The following ENPP2 variants were observed in gnomAD, a reference collection of about 807,000 sequenced individuals.
ENPP2 encodes autotaxin.
A neutral mutation model predicts 120.2 loss-of-function variants in ENPP2; 51 were observed. The observed-to-expected ratio is 0.42, with a 90% confidence interval of 0.34 to 0.54. The LOEUF is 0.54. Among genes scored for constraint, ENPP2 ranks in the 20% least tolerant of loss-of-function variants. ENPP2 has a pLI of 0.04. For missense variants in ENPP2, 920 were observed against 1,066.5 expected, an observed-to-expected ratio of 0.86 and a Z score of 1.91; for synonymous variants, 365 against 366.4, an observed-to-expected ratio of 1.00 and a Z score of 0.04.
chr8:119,568,481 T>C (rs111350329), intron 21 of ENPP2, among the ~76,000 whole-genome samples: 4,535 of 152,234 alleles, frequency 0.03, 170 homozygotes, highest in African/African-American at 0.089. Context: ...TTTACAATGT[T>C]TTTTTCTTAC....
chr8:119,567,636 G>A (rs1814584099), intron 22 of ENPP2, among the ~76,000 whole-genome samples: 1 of 152,198 alleles, frequency 6.6e-6, no homozygotes, highest in Non-Finnish European at 1.5e-5. Flanking sequence ...TGATGATTCA[G>A]AAGGTCCTTT....
chr8:119,584,595 A>T (rs1417612771), intron 15 of ENPP2, among the ~76,000 whole-genome samples: 14 of 152,246 alleles, frequency 9.2e-5, no homozygotes. Flanking sequence ...CTATCAATAT[A>T]CAATACAACT....
rs769242153 is a variant in ENPP2, at chr8:119,626,606, G to C, written c.251C>G (p.Thr84Ser). 8 of 1,613,892 alleles carry C rather than the reference G, an allele frequency of 5.0e-6. No homozygotes were observed. The highest frequency in any genetic ancestry group is 6.8e-6 in the Non-Finnish European group (8 of 1,179,896). Reference protein sequence around the residue: ...CRCDNLCKSYTSCCHDFDELC... With the variant: ...CRCDNLCKSYSSCCHDFDELC... Reference sequence around the variant, plus strand: ...CTCATCAAAGTCATGGCAGCAACTGGTATAGCTCTTACACAAGTTGTCACA... The same window carrying C: ...CTCATCAAAGTCATGGCAGCAACTGCTATAGCTCTTACACAAGTTGTCACA... The change falls in exon 3 of 25, where the codon ACC becomes AGC. Residue 84 changes from threonine (T) to serine (S), a missense_variant. By Grantham distance (58) the Thr-to-Ser change is moderately conservative (BLOSUM62 1). Transcript: ENST00000075322.
chr8:119,627,658 T>C (rs186955943), intron 2 of ENPP2, among the ~76,000 whole-genome samples: 3 of 152,040 alleles, frequency 2.0e-5, no homozygotes. Context: ...GGTCAGGAGT[T>C]CGAGACCAGC....
chr8:119,560,775 G>A (rs1034914537), intron 24 of ENPP2, among the ~76,000 whole-genome samples: 2 of 152,072 alleles, frequency 1.3e-5, no homozygotes, highest in African/African-American at 4.8e-5. Flanking sequence ...TGGAGTCAGA[G>A]GCCTTAAATC....
At chr8:119,576,606 A>G (rs1812359268) in intron 19 of ENPP2, among the ~76,000 whole-genome samples, 3 of 152,234 alleles carry the variant, frequency 2.0e-5, no homozygotes, top group Non-Finnish European at 4.4e-5. Flanking sequence ...AAATAGAGTA[A>G]AGACCAAGGT....
rs1818127382 is a variant in ENPP2, at chr8:119,668,089, C to G, written c.21+5163G>C. Among the ~76,000 whole-genome samples, 3 of 152,250 alleles carry G rather than the reference C, an allele frequency of 2.0e-5. No homozygotes were observed. In the South Asian group the frequency reaches 6.2e-4, roughly 32 times the overall value. On this transcript the variant is annotated intron_variant, in intron 1 of 25. Transcript: ENST00000427067. Reference sequence around the variant, plus strand: ...GTCCCATTAAGTCTAGATTAAATATCCCTTCTCAGGTGGTTTCACGAGGAC... The same window carrying G: ...GTCCCATTAAGTCTAGATTAAATATGCCTTCTCAGGTGGTTTCACGAGGAC...
chr8:119,621,258 A>T, intron 4 of ENPP2, 136 bp downstream of exon 4: 1 of 706,658 alleles, frequency 1.4e-6, no homozygotes, highest in Non-Finnish European at 2.4e-6. Context: ...AAGAAGCATG[A>T]GAAATTAAAA....
chr8:119,663,163 A>T (rs2130901181), intron 1 of ENPP2, among the ~76,000 whole-genome samples: 1 of 152,116 alleles, frequency 6.6e-6, no homozygotes, highest in South Asian at 2.1e-4. Context: ...AAAAGAAAAG[A>T]AAATGGGTAG....
intron 1 of ENPP2, among the ~76,000 whole-genome samples, chr8:119,659,721 A>C (rs1587585930): frequency 6.6e-6 from 1 of 152,326 alleles, no homozygotes; most frequent in Non-Finnish European, 1.5e-5. Context: ...TATGCTTCAA[A>C]GGGTGAAGAA....
intron 11 of ENPP2, among the ~76,000 whole-genome samples, chr8:119,596,217 G>A (rs1035772813): frequency 4.6e-5 from 7 of 152,284 alleles, no homozygotes; most frequent in South Asian, 2.1e-4. Flanking sequence ...CAGCTTCTTC[G>A]CTGAGAACAA....
At chr8:119,669,273 A>C (rs1374850999) in intron 1 of ENPP2, among the ~76,000 whole-genome samples, 2 of 152,340 alleles carry the variant, frequency 1.3e-5, no homozygotes, top group South Asian at 2.1e-4. Flanking sequence ...TCTAATCTAG[A>C]AGAAGATCAC....
At chr8:119,606,629 G>C (rs1333059204) in intron 9 of ENPP2, among the ~76,000 whole-genome samples, 1 of 149,200 alleles carries the variant, frequency 6.7e-6, no homozygotes, top group Non-Finnish European at 1.5e-5. Context: ...AAGAAAGAAA[G>C]AAATCTCTTA....
chr8:119,651,260 A>C (rs1026666526), intron 1 of ENPP2, among the ~76,000 whole-genome samples: 1 of 152,234 alleles, frequency 6.6e-6, no homozygotes, highest in African/African-American at 2.4e-5. Context: ...GAGTAGAGAA[A>C]GGAAAAAGCA....
chr8:119,628,001 T>A (rs1161687848), intron 2 of ENPP2, among the ~76,000 whole-genome samples: 1 of 151,084 alleles, frequency 6.6e-6, no homozygotes, highest in Admixed American at 6.6e-5. Flanking sequence ...CAGCCAAAAA[T>A]ACTGAGAGTT....
chr8:119,613,772 T>G lies in ENPP2; in HGVS notation c.777+2493A>C, dbSNP rs576940598. On this transcript the variant is annotated intron_variant, in intron 8 of 24. Coordinates refer to ENST00000075322, the MANE Select transcript of ENPP2 (RefSeq NM_001040092.3). ...ACTGACATATAATAATTGTGCATAT[T>G]TATGGGATACAGTGTGATGTTTCAA... Among the ~76,000 whole-genome samples the G allele has an allele frequency of 1.6e-3, 250 of 152,262 alleles. 2 individuals are homozygous for G. Among genetic ancestry groups the G allele is most frequent in the African/African-American group, 5.0e-3 (209 of 41,568 alleles).
At chr8:119,642,787 A>G (rs995716760), upstream of ENPP2, among the ~76,000 whole-genome samples, 8 of 152,220 alleles carry the variant, frequency 5.3e-5, no homozygotes, top group African/African-American at 1.9e-4. Context: ...TTGCATTTAT[A>G]TAAATGCACA....
chr8:119,665,297 C>T (rs1818037359), intron 1 of ENPP2, among the ~76,000 whole-genome samples: 1 of 152,170 alleles, frequency 6.6e-6, no homozygotes, highest in South Asian at 2.1e-4. Flanking sequence ...TATCCCAAAG[C>T]CTGCTTCTCC....
At chr8:119,644,625 T>TATATACACACAC (rs1327738777) in intron 1 of ENPP2, among the ~76,000 whole-genome samples, 3 of 74,288 alleles carry the variant, frequency 4.0e-5, no homozygotes, top group African/African-American at 1.5e-4. Context: ...TATATATATA[T>TATATACACACAC]ACACACACAC....
Sources: allele counts gnomAD v4.1 joint callset (sites outside exome capture counted in the v4.1 genomes callset), GRCh38; gene constraint gnomAD v4.1.1; transcripts MANE v1.5; gene names NCBI Gene and HGNC (gene_info 2026-07-23, HGNC 2026-07-21).